The following SIDT1 variants were observed in gnomAD, a reference collection of about 807,000 sequenced individuals.
The protein encoded by SIDT1 is SID1 transmembrane family member 1, also known as SID1 transmembrane family, member 1.
A neutral mutation model predicts 107.5 loss-of-function variants in SIDT1; 101 were observed. That is an observed-to-expected ratio of 0.94 (90% CI 0.80 to 1.11). SIDT1 has a LOEUF of 1.11. SIDT1 is among the 50% of genes least tolerant of loss of function. The probability of loss-of-function intolerance (pLI) is 0.00; values close to 1 mark genes in which losing one functional copy is unlikely to be tolerated. For synonymous variants in SIDT1, 395 were observed against 398.2 expected, an observed-to-expected ratio of 0.99 and a Z score of 0.10; for missense variants, 1,076 against 1,058.2, an observed-to-expected ratio of 1.02 and a Z score of -0.23.
rs529220976 is a variant in SIDT1 at position 113,566,378 on chromosome 3, A to C, written c.223-42A>C. 6 of 1,592,366 alleles carry C rather than the reference A, an allele frequency of 3.8e-6. No homozygotes were observed. The African/African-American group carries it at 6.7e-5, about 18-fold the overall frequency. On this transcript the variant is annotated intron_variant, in intron 1 of 24. Transcript: ENST00000264852. ...TGTGTGTGTGTGTTTGCATGTGTGCATGTGCACGTTTTGCATTACCTCTTT... is the reference window on the plus strand; with the variant it reads ...TGTGTGTGTGTGTTTGCATGTGTGCCTGTGCACGTTTTGCATTACCTCTTT...
chr3:113,566,863 T>C (rs1028468481), intron 2 of SIDT1, among the ~76,000 whole-genome samples: 37 of 152,112 alleles, frequency 2.4e-4, no homozygotes, highest in African/African-American at 8.5e-4. Flanking sequence ...TTAACATAAG[T>C]GAGTAACTCT....
At chr3:113,535,282 T>TTC (rs1938002265) in intron 1 of SIDT1, among the ~76,000 whole-genome samples, 1 of 67,576 alleles carries the variant, frequency 1.5e-5, no homozygotes, top group East Asian at 9.1e-4. Flanking sequence ...TTCAAAATGT[T>TTC]TTTTTTTTTA....
intron 9 of SIDT1, among the ~76,000 whole-genome samples, chr3:113,592,287 GA>G (rs1465895785): frequency 6.6e-6 from 1 of 152,056 alleles, no homozygotes; most frequent in Non-Finnish European, 1.5e-5. Flanking sequence ...CATTATTTTT[GA>G]AGGCAAAAAT....
chr3:113,616,286 T>C lies in SIDT1; in HGVS notation c.2043+110T>C. 3 of 786,384 alleles carry C rather than the reference T, an allele frequency of 3.8e-6. No individual in the cohort carries two copies. In the South Asian group the frequency reaches 4.5e-5, roughly 12 times the overall value. The allele number at this position is 786,384 out of a possible 1,614,324, so 48.7% of individuals were successfully genotyped here. ...GGCTCCTAAAATCAAGAAGGCCAGA[T>C]GGCCCAGGGTGGCTAAAGGCCCATT... On this transcript the variant is annotated intron_variant, in intron 20 of 24. Transcript: ENST00000264852.
chr3:113,625,164 T>C (rs904112393), intron 23 of SIDT1, among the ~76,000 whole-genome samples: 1 of 150,372 alleles, frequency 6.7e-6, no homozygotes. Flanking sequence ...GGGGACGGGG[T>C]CTCCCTCTGT....
At chr3:113,540,851 G>T (rs374280365) in intron 1 of SIDT1, among the ~76,000 whole-genome samples, 1 of 151,330 alleles carries the variant, frequency 6.6e-6, no homozygotes, top group Non-Finnish European at 1.5e-5. Flanking sequence ...CCCTATTTTT[G>T]TCTATTGTCT....
At chr3:113,543,516 T>G (rs533842764) in intron 1 of SIDT1, among the ~76,000 whole-genome samples, 4 of 152,112 alleles carry the variant, frequency 2.6e-5, no homozygotes, top group Non-Finnish European at 5.9e-5. Flanking sequence ...TGTTGATAAC[T>G]TGCTCCCACC....
intron 1 of SIDT1, among the ~76,000 whole-genome samples, chr3:113,558,758 T>G (rs1941140918): frequency 6.6e-6 from 1 of 152,240 alleles, no homozygotes; most frequent in Non-Finnish European, 1.5e-5. Flanking sequence ...GACTTGTGTC[T>G]TCTCCCAGTA....
At position 113,581,503 on chromosome 3, in the gene SIDT1, T is replaced by G. The variant is rs73853724; in HGVS notation, c.747+59T>G. 4.6e-3 allele frequency: 6,245 copies of G among 1,367,826 alleles called. 57 individuals carry two copies. The highest frequency in any genetic ancestry group is 0.028 in the African/African-American group (1,932 of 70,238). The allele number at this position is 1,367,826 out of a possible 1,614,324, so 84.7% of individuals were successfully genotyped here. A position where few individuals can be genotyped will look rare whatever the true frequency, so the allele number is the denominator to read the frequency against. On this transcript the variant is annotated intron_variant, in intron 6 of 24. Coordinates refer to ENST00000264852, the MANE Select transcript of SIDT1 (RefSeq NM_017699.3). The stretch of plus-strand genomic sequence containing the variant: ...TGGTAATGCTCAATAGATAGTGTAC[T>G]TACTGGGCCAGCATCCAAAAGGGAT...
rs1391646764 is a variant in SIDT1 at position 113,608,233 on chromosome 3, G to A, written c.1602+16G>A. Reference sequence around the variant, plus strand: ...CTTTGCTGTGGTGAGGAAAGAGTGGGTAGGAGCTAGGAAGGGTTATGGATC... The same window carrying A: ...CTTTGCTGTGGTGAGGAAAGAGTGGATAGGAGCTAGGAAGGGTTATGGATC... On this transcript the variant is annotated intron_variant, in intron 16 of 24. Coordinates refer to ENST00000264852, the MANE Select transcript of SIDT1 (RefSeq NM_017699.3). 6.4e-7 allele frequency: 1 copy of A among 1,573,628 alleles called. No homozygotes were observed. Among genetic ancestry groups the A allele is most frequent in the Non-Finnish European group, 8.6e-7 (1 of 1,159,502 alleles).
chr3:113,581,119 C>CTT (rs1943300858), intron 5 of SIDT1, among the ~76,000 whole-genome samples: 1 of 152,080 alleles, frequency 6.6e-6, no homozygotes, highest in South Asian at 2.1e-4. Context: ...GTGTTATACA[C>CTT]TTTAAGACAA....
chr3:113,575,847 C>T (rs778645767), intron 3 of SIDT1, among the ~76,000 whole-genome samples: 2 of 151,804 alleles, frequency 1.3e-5, no homozygotes, highest in Non-Finnish European at 2.9e-5. Flanking sequence ...TCAGAGAGCC[C>T]CAGGGGGTGG....
At chr3:113,553,019 A>G (rs895366350) in intron 1 of SIDT1, among the ~76,000 whole-genome samples, 2 of 152,192 alleles carry the variant, frequency 1.3e-5, no homozygotes, top group Non-Finnish European at 2.9e-5. Flanking sequence ...CATAGGCAGG[A>G]ACCAAGATGT....
At chr3:113,616,629 C>T (rs1193378556) in intron 20 of SIDT1, among the ~76,000 whole-genome samples, 1 of 152,100 alleles carries the variant, frequency 6.6e-6, no homozygotes, top group Non-Finnish European at 1.5e-5. Flanking sequence ...TGGAACAAAC[C>T]TGCACATCCT....
intron 14 of SIDT1, chr3:113,606,756 T>C: frequency 3.3e-6 from 1 of 305,322 alleles, no homozygotes; most frequent in Non-Finnish European, 6.2e-6. Flanking sequence ...TTCGTAGTCC[T>C]TTTATCATAA....
chr3:113,612,265 T>C, intron 19 of SIDT1, 71 bp downstream of exon 19: 2 of 1,073,004 alleles, frequency 1.9e-6, no homozygotes, highest in Non-Finnish European at 2.9e-6. Context: ...CTGCCTTTAC[T>C]TATGCTGAAT....
chr3:113,555,416 TA>T (rs1437829374), intron 1 of SIDT1, among the ~76,000 whole-genome samples: 1 of 152,210 alleles, frequency 6.6e-6, no homozygotes, highest in African/African-American at 2.4e-5. Context: ...CAATGCCTCT[TA>T]CAGGATAGGG....
intron 1 of SIDT1, among the ~76,000 whole-genome samples, chr3:113,561,784 A>G (rs938774822): frequency 5.3e-5 from 8 of 152,362 alleles, no homozygotes; most frequent in Non-Finnish European, 7.3e-5. Flanking sequence ...GCTAAAAAGC[A>G]CACTAAAATT....
At chr3:113,535,146 C>T (rs547383900) in intron 1 of SIDT1, among the ~76,000 whole-genome samples, 3 of 152,248 alleles carry the variant, frequency 2.0e-5, no homozygotes, top group South Asian at 2.1e-4. Context: ...ATGGCACATG[C>T]GCCTGTAGTC....
Sources: gnomAD v4.1 joint callset for allele counts (sites outside exome capture counted in the v4.1 genomes callset) on GRCh38, gnomAD v4.1.1 for gene constraint, MANE v1.5 for transcripts, NCBI Gene and HGNC (gene_info 2026-07-23, HGNC 2026-07-21) for gene names.